POR: variants seen among roughly 807,000 people sequenced by gnomAD.
POR encodes cytochrome p450 oxidoreductase, also known as NADPH--cytochrome P450 reductase.
Under a neutral mutation model 84.0 loss-of-function variants are expected in POR, and 56 were observed. The observed-to-expected ratio is 0.67, with a 90% confidence interval of 0.54 to 0.83. POR has a LOEUF of 0.83. POR is among the 40% of genes least tolerant of loss of function. The pLI is 0.00. For missense variants in POR, 938 were observed against 944.3 expected (o/e 0.99, Z 0.09); for synonymous variants, 414 against 400.5 (o/e 1.03, Z -0.40).
At chr7:75,974,369 C>T (rs1554556599) in intron 3 of POR, among the ~76,000 whole-genome samples, 1 of 151,786 alleles carries the variant, frequency 6.6e-6, no homozygotes, top group Non-Finnish European at 1.5e-5. Context: ...CACAGCCTTG[C>T]CAACAGTTTG....
At chr7:75,933,376 GTTTTTTT>G (rs200575911) in intron 1 of POR, among the ~76,000 whole-genome samples, 6 of 92,112 alleles carry the variant, frequency 6.5e-5, no homozygotes, top group East Asian at 6.2e-4. Flanking sequence ...ATAGGTCTTT[GTTTTTTT>G]TTTTTTTTTT....
At chr7:75,930,341 G>A (rs1311539046) in intron 1 of POR, among the ~76,000 whole-genome samples, 2 of 152,118 alleles carry the variant, frequency 1.3e-5, no homozygotes, top group East Asian at 3.9e-4. Context: ...AACTAGCCAG[G>A]CGTAGTGGTG....
Position 75,985,027 on chromosome 7 carries a change from A to G in POR, c.1249-31A>G, listed in dbSNP as rs782157224. 26 of 1,584,564 alleles carry G rather than the reference A, an allele frequency of 1.6e-5. No individual in the cohort carries two copies. In the East Asian group the frequency reaches 2.9e-4, roughly 18 times the overall value. On this transcript the variant is annotated intron_variant, in intron 11 of 15. Coordinates refer to ENST00000461988, the MANE Select transcript of POR (RefSeq NM_000941.3). The stretch of plus-strand genomic sequence containing the variant: ...CGTTTTCCGAGCTCCGTGGGCCCCA[A>G]TCAGCCCCATCTCACCCCCGTGTCT...
chr7:75,925,709 G>C (rs1170312443), intron 1 of POR, among the ~76,000 whole-genome samples: 1 of 152,178 alleles, frequency 6.6e-6, no homozygotes, highest in Non-Finnish European at 1.5e-5. Flanking sequence ...AGATGATGTT[G>C]GCCTAGGCCA....
intron 1 of POR, among the ~76,000 whole-genome samples, chr7:75,932,309 T>C (rs1554550247): frequency 6.6e-6 from 1 of 151,776 alleles, no homozygotes; most frequent in African/African-American, 2.4e-5. Flanking sequence ...GCCCCCCGAG[T>C]AGCTAGAACT....
chr7:75,944,108 T>C (rs1212958777), intron 1 of POR, among the ~76,000 whole-genome samples: 6 of 152,116 alleles, frequency 3.9e-5, no homozygotes, highest in African/African-American at 1.2e-4. Flanking sequence ...GTGGAGATCA[T>C]GTGCTGTCTT....
intron 1 of POR, among the ~76,000 whole-genome samples, chr7:75,929,935 G>A (rs1807327306): frequency 6.6e-6 from 1 of 152,186 alleles, no homozygotes; most frequent in African/African-American, 2.4e-5. Flanking sequence ...TTATGGGCCA[G>A]GAGTTGGGTC....
intron 3 of POR, among the ~76,000 whole-genome samples, chr7:75,976,382 G>A (rs1161487147): frequency 1.3e-5 from 2 of 151,234 alleles, no homozygotes; most frequent in Non-Finnish European, 2.9e-5. Flanking sequence ...GGCGGAGGTT[G>A]CATTGAGCCA....
At position 75,952,296 on chromosome 7, in the gene POR, C is replaced by G. The variant is rs530475162; in HGVS notation, c.-4-1693C>G. Among the ~76,000 whole-genome samples, 247 of 144,672 alleles carry G rather than the reference C, an allele frequency of 1.7e-3. 2 individuals are homozygous for G. Among genetic ancestry groups the G allele is most frequent in the African/African-American group, 6.3e-3 (238 of 37,704 alleles). The allele number at this position is 144,672 out of a possible 152,430, so 94.9% of individuals were successfully genotyped here. ...CTGGCCGGGCGGGGGGCTGACCCCC[C>G]CACCTCCCTCCCGGATGGGGCGGCT... On this transcript the variant is annotated intron_variant, in intron 1 of 15. Transcript: ENST00000461988.
intron 2 of POR, chr7:75,967,839 C>G: frequency 2.9e-6 from 1 of 345,830 alleles, no homozygotes; most frequent in Admixed American, 3.7e-5. Flanking sequence ...CCTGCTGGGG[C>G]TCCAGATGTT....
chr7:75,946,848 G>A (rs1787195398), intron 1 of POR: 1 of 152,252 alleles, frequency 6.6e-6, no homozygotes, highest in Non-Finnish European at 1.5e-5. Flanking sequence ...CCTCCTCGGA[G>A]CGATTGTAGG....
At chr7:75,937,471 CAAAAAAAAAA>C (rs782343328) in intron 1 of POR, among the ~76,000 whole-genome samples, 423 of 20,140 alleles carry the variant, frequency 0.021, 2 homozygotes, top group African/African-American at 0.055. Context: ...GACCCTGTCT[CAAAAAAAAAA>C]AAAAAAAAAA....
intron 1 of POR, among the ~76,000 whole-genome samples, chr7:75,932,009 T>C (rs181556052): frequency 6.6e-6 from 1 of 152,306 alleles, no homozygotes; most frequent in East Asian, 1.9e-4. Context: ...ACACAGTGCT[T>C]TGTGGAATTG....
At position 75,979,318 on chromosome 7, in the gene POR, G is replaced by T. The variant is rs539197161; in HGVS notation, c.238-133G>T. ...GAGAAGCAAGTCCCAGAGGAACTTA[G>T]AAGGGACTCAAAGCCAGGAAGGAAA... On this transcript the variant is annotated intron_variant, in intron 3 of 15. Coordinates refer to ENST00000461988, the MANE Select transcript of POR (RefSeq NM_000941.3). 179 of 1,079,744 alleles carry T rather than the reference G, an allele frequency of 1.7e-4. 2 individuals carry two copies. The South Asian group carries it at 2.6e-3, about 16-fold the overall frequency. 66.9% of individuals were successfully genotyped at this position (1,079,744 alleles called of 1,614,324 possible).
chr7:75,978,062 A>C (rs1258824451), intron 3 of POR, among the ~76,000 whole-genome samples: 2 of 152,210 alleles, frequency 1.3e-5, no homozygotes, highest in Non-Finnish European at 2.9e-5. Flanking sequence ...TCCCTGTTGT[A>C]AAATTTTATA....
rs1789242456 is a variant in POR, at chr7:75,983,968, G to A, written c.1066+112G>A. The A allele has an allele frequency of 6.0e-6, 5 of 830,638 alleles. No individual in the cohort carries two copies. The East Asian group carries it at 8.3e-5, about 14-fold the overall frequency. The allele number at this position is 830,638 out of a possible 1,614,324, so 51.5% of individuals were successfully genotyped here. A position where few individuals can be genotyped will look rare whatever the true frequency, so the allele number is the denominator to read the frequency against. ...AGGCCTGAAGCCCCGGTGCCTGGGA[G>A]GCCCTTGCACCGAGACTCCACGGTT... On this transcript the variant is annotated intron_variant, in intron 10 of 15. Transcript: ENST00000461988.
At chr7:75,935,619 T>TTG (rs57899780) in intron 1 of POR, among the ~76,000 whole-genome samples, 8,333 of 131,200 alleles carry the variant, frequency 0.064, 292 homozygotes, top group Middle Eastern at 0.13. Flanking sequence ...TGCTCGGGGC[T>TTG]TGTGTGTGTG....
rs1554558755 is a variant in POR, at chr7:75,984,808, C to T, written c.1098C>T (p.Cys366=). 5 of 1,612,648 alleles carry T rather than the reference C, an allele frequency of 3.1e-6. No individual in the cohort carries two copies. The highest frequency in any genetic ancestry group is 2.7e-5 in the African/African-American group (2 of 75,040). Reference sequence around the variant, plus strand: ...CCAACAAGAAGCACCCATTCCCGTGCCCTACGTCCTACCGCACGGCCCTCA... The same window carrying T: ...CCAACAAGAAGCACCCATTCCCGTGTCCTACGTCCTACCGCACGGCCCTCA... Residue 366 remains cysteine, a synonymous_variant, in exon 11 of 16, where the codon TGC becomes TGT. Transcript: ENST00000461988.
intron 15 of POR, 28 bp from the exon 16 acceptor site, chr7:75,986,308 AG>A (rs1563436520): frequency 1.2e-6 from 2 of 1,612,716 alleles, no homozygotes; most frequent in South Asian, 2.2e-5. Flanking sequence ...CAGTTGGCCC[AG>A]CCCCCAGCAC....
Sources: allele counts gnomAD v4.1 joint callset (sites outside exome capture counted in the v4.1 genomes callset), GRCh38; gene constraint gnomAD v4.1.1; transcripts MANE v1.5; gene names NCBI Gene and HGNC (gene_info 2026-07-23, HGNC 2026-07-21).